Variants in CASTOR2 observed in about 807,000 individuals in gnomAD.
The protein encoded by CASTOR2 is cytosolic arginine sensor for mTORC1 subunit 2.
CASTOR2 carries 8 observed loss-of-function variants against 31.2 expected under a neutral mutation model. The ratio of observed to expected loss-of-function variants is 0.26; its 90% CI spans 0.15 to 0.46. The LOEUF is 0.46. CASTOR2 is among the 20% of genes least tolerant of loss of function. The pLI is 0.99. For missense variants in CASTOR2, 216 were observed against 382.1 expected, an observed-to-expected ratio of 0.57 and a Z score of 3.62; for synonymous variants, 162 against 158.7, an observed-to-expected ratio of 1.02 and a Z score of -0.16.
intron 1 of CASTOR2, among the ~76,000 whole-genome samples, chr7:74,970,119 C>A (rs1301382404): frequency 7.2e-6 from 1 of 138,804 alleles, no homozygotes; most frequent in Non-Finnish European, 1.6e-5. Context: ...TCAGAGTGAC[C>A]CAGATTTCAA....
Position 75,030,846 on chromosome 7 carries a change from T to C in CASTOR2, c.*6147T>C, listed in dbSNP as rs1473166998. ...GTGCTGACTCTTCAAAGGCATCCCA[T>C]CCTGCAGATGGTGTTCACAGGGAGA... On this transcript the variant is annotated 3_prime_UTR_variant, in exon 9 of 9. Coordinates refer to ENST00000616305, the MANE Select transcript of CASTOR2 (RefSeq NM_001145064.3). Among the ~76,000 whole-genome samples the C allele has an allele frequency of 6.6e-6, 1 of 152,170 alleles. No individual in the cohort carries two copies. The highest frequency in any genetic ancestry group is 1.5e-5 in the Non-Finnish European group (1 of 68,014).
intron 7 of CASTOR2, among the ~76,000 whole-genome samples, chr7:75,023,819 C>T (rs1805064272): frequency 1.3e-5 from 2 of 152,170 alleles, no homozygotes; most frequent in African/African-American, 4.8e-5. Flanking sequence ...GAGGCTAAAC[C>T]ATTCATGAGG....
chr7:75,017,990 G>A lies in CASTOR2; in HGVS notation c.379G>A (p.Val127Met). The A allele has an allele frequency of 6.2e-7, 1 of 1,614,174 alleles. No homozygotes were observed. Among genetic ancestry groups the A allele is most frequent in the Non-Finnish European group, 8.5e-7 (1 of 1,180,034 alleles). Reference sequence around the variant, plus strand: ...CACGGCCTCAACTTCTTGCCCCTAGGTGCGCGAGCGGGACCTGCCCTTTGT... The same window carrying A: ...CACGGCCTCAACTTCTTGCCCCTAGATGCGCGAGCGGGACCTGCCCTTTGT... Reference protein sequence around the residue: ...LSTYQTDFILVRERDLPFVTH... With the variant: ...LSTYQTDFILMRERDLPFVTH... Residue 127 changes from valine (V) to methionine (M), a missense_variant and splice_region_variant, in exon 4 of 9, where the codon GTG becomes ATG. This residue lies in a region of CASTOR2 where 114 missense variants were observed against 194.2 expected (regional missense o/e 0.59). Coordinates refer to ENST00000616305, the MANE Select transcript of CASTOR2 (RefSeq NM_001145064.3).
intron 2 of CASTOR2, among the ~76,000 whole-genome samples, chr7:75,015,710 C>T (rs1251555342): frequency 4.6e-4 from 69 of 149,768 alleles, no homozygotes; most frequent in African/African-American, 1.3e-3. Context: ...AAGTGATCTT[C>T]GGCAAATCAC....
At chr7:74,979,460 C>T (rs1349516107) in intron 1 of CASTOR2, among the ~76,000 whole-genome samples, 2 of 108,168 alleles carry the variant, frequency 1.8e-5, no homozygotes, top group East Asian at 2.8e-4. Flanking sequence ...AGTGCAATCT[C>T]GGCTCAGTAC....
chr7:74,984,034 C>T (rs1359064783), intron 1 of CASTOR2, among the ~76,000 whole-genome samples: 2 of 150,992 alleles, frequency 1.3e-5, no homozygotes, highest in Non-Finnish European at 3.0e-5. Context: ...CTGCCTCGGC[C>T]TCCAAAAGTG....
intron 2 of CASTOR2, among the ~76,000 whole-genome samples, chr7:75,014,891 A>G (rs1478376100): frequency 1.2e-4 from 19 of 152,180 alleles, no homozygotes; most frequent in African/African-American, 4.3e-4. Flanking sequence ...CTCGGAGGCT[A>G]TATCAGCAGC....
At chr7:74,988,217 C>T (rs1401427427) in intron 1 of CASTOR2, among the ~76,000 whole-genome samples, 2 of 76,404 alleles carry the variant, frequency 2.6e-5, no homozygotes, top group Non-Finnish European at 7.4e-5. Context: ...GCAATCTCTG[C>T]CTCCCGGGTC....
At chr7:75,019,358 T>C (rs1468610860) in intron 5 of CASTOR2, among the ~76,000 whole-genome samples, 8 of 151,318 alleles carry the variant, frequency 5.3e-5, no homozygotes, top group Admixed American at 1.3e-4. Flanking sequence ...GGGGGACACA[T>C]GGACCCTCCC....
chr7:74,993,468 T>G (rs1804260902), intron 1 of CASTOR2, among the ~76,000 whole-genome samples: 1 of 69,212 alleles, frequency 1.4e-5, no homozygotes, highest in African/African-American at 5.7e-5. Flanking sequence ...TTTTTTTTTT[T>G]GAGAGCGAGT....
Position 75,025,333 on chromosome 7 carries a change from G to A in CASTOR2, c.*634G>A, listed in dbSNP as rs2131960207. On this transcript the variant is annotated 3_prime_UTR_variant, in exon 9 of 9. Coordinates refer to ENST00000616305, the MANE Select transcript of CASTOR2 (RefSeq NM_001145064.3). ...CCTCGCCTGCCAACCACAGGGCCTG[G>A]GCCCGACTCCCAGCAAGACTGCCAA... Among the ~76,000 whole-genome samples, 1 of 152,270 alleles carries A rather than the reference G, an allele frequency of 6.6e-6. No homozygotes were observed. The highest frequency in any genetic ancestry group is 2.1e-4 in the South Asian group (1 of 4,826).
At position 75,018,953 on chromosome 7, in the gene CASTOR2, C is replaced by G; in HGVS notation, c.512-19C>G. Reference sequence around the variant, plus strand: ...TTTCAGTCCCAGCCTCAGTGCCTGACATCTTTGTGCTCTTACAGTCCAGAG... The same window carrying G: ...TTTCAGTCCCAGCCTCAGTGCCTGAGATCTTTGTGCTCTTACAGTCCAGAG... On this transcript the variant is annotated intron_variant, in intron 4 of 8. Transcript: ENST00000616305. 1 of 1,551,878 alleles carries G rather than the reference C, an allele frequency of 6.4e-7. No homozygotes were observed. The highest frequency in any genetic ancestry group is 1.2e-5 in the South Asian group (1 of 84,058).
At chr7:75,021,497 G>A (rs950532348) in intron 6 of CASTOR2, among the ~76,000 whole-genome samples, 3 of 152,304 alleles carry the variant, frequency 2.0e-5, no homozygotes, top group African/African-American at 4.8e-5. Flanking sequence ...TCAGAGAGGT[G>A]CAGGGGTTGT....
intron 5 of CASTOR2, 96 bp from the exon 6 acceptor site, chr7:75,019,943 C>A: frequency 9.0e-7 from 1 of 1,114,436 alleles, no homozygotes. Flanking sequence ...ACCCAGGTGG[C>A]ATCAAAGCCT....
At chr7:75,016,141 A>G (rs1804858848) in intron 2 of CASTOR2, among the ~76,000 whole-genome samples, 1 of 151,960 alleles carries the variant, frequency 6.6e-6, no homozygotes, top group East Asian at 1.9e-4. Flanking sequence ...CTCCCCACTC[A>G]GGGCCTGGCA....
At chr7:74,990,554 AC>A (rs1804183536) in intron 1 of CASTOR2, among the ~76,000 whole-genome samples, 1 of 62,296 alleles carries the variant, frequency 1.6e-5, no homozygotes, top group Non-Finnish European at 3.6e-5. Flanking sequence ...CCTGGTCTCT[AC>A]AAAAAAATAA....
chr7:75,019,696 C>G (rs938975807), intron 5 of CASTOR2, among the ~76,000 whole-genome samples: 15,876 of 152,256 alleles, frequency 0.1, 955 homozygotes, highest in Middle Eastern at 0.3. Flanking sequence ...GACATTGTGT[C>G]ACTTCCTCAG....
At chr7:74,992,968 A>G (rs1804247899) in intron 1 of CASTOR2, among the ~76,000 whole-genome samples, 1 of 152,068 alleles carries the variant, frequency 6.6e-6, no homozygotes, top group Non-Finnish European at 1.5e-5. Flanking sequence ...TGGGAGGCCG[A>G]GGCAGGTGGA....
chr7:75,013,960 C>T (rs1404079708), intron 2 of CASTOR2, among the ~76,000 whole-genome samples: 14 of 152,184 alleles, frequency 9.2e-5, no homozygotes, highest in African/African-American at 3.1e-4. Flanking sequence ...AACTCCTGAC[C>T]TCAAGTGATC....
Sources: gnomAD v4.1 joint callset for allele counts (sites outside exome capture counted in the v4.1 genomes callset) on GRCh38, gnomAD v4.1.1 for gene constraint, gnomAD v4.1.1 regional missense constraint, MANE v1.5 for transcripts, NCBI Gene and HGNC (gene_info 2026-07-23, HGNC 2026-07-21) for gene names.